Variants in USP32 observed in about 807,000 individuals in gnomAD.
The protein encoded by USP32 is ubiquitin carboxyl-terminal hydrolase 32.
USP32 carries 59 observed loss-of-function variants against 204.8 expected under a neutral mutation model. The observed-to-expected ratio is 0.29, with a 90% CI of 0.23 to 0.36. The LOEUF (loss-of-function observed/expected upper bound fraction) is 0.36. Ranked by LOEUF, USP32 falls within the 10% of genes least tolerant of loss-of-function variation. The pLI is 1.00. For missense variants in USP32, 1,160 were observed against 1,946.4 expected (o/e 0.60, Z 7.60); for synonymous variants, 517 against 678.4 (o/e 0.76, Z 3.70).
intron 30 of USP32, 92 bp downstream of exon 30, chr17:60,185,368 T>C (rs2084224298): frequency 4.2e-6 from 6 of 1,440,102 alleles, no homozygotes; most frequent in South Asian, 1.5e-5. Flanking sequence ...GGAAAGGTCT[T>C]ATTCTCAAAA....
At position 60,357,325 on chromosome 17, in the gene USP32, C is replaced by T. The variant is rs563060511; in HGVS notation, c.59-11717G>A. On this transcript the variant is annotated intron_variant, in intron 1 of 33. Coordinates refer to ENST00000300896, the MANE Select transcript of USP32 (RefSeq NM_032582.4). ...ATAATTAGGCAGGCATGGTGATACA[C>T]GCCTATGGTTCCAGCTACACGGGAA... is the stretch of plus-strand genomic sequence containing the variant. Among the ~76,000 whole-genome samples the T allele has an allele frequency of 5.3e-5, 8 of 151,954 alleles. No individual in the cohort carries two copies. The East Asian group carries it at 9.7e-4, about 18-fold the overall frequency.
chr17:60,274,242 C>A (rs368652705), intron 5 of USP32, among the ~76,000 whole-genome samples: 3 of 152,060 alleles, frequency 2.0e-5, no homozygotes, highest in East Asian at 3.9e-4. Flanking sequence ...GAAGGACAGG[C>A]AATAGAAACT....
intron 1 of USP32, among the ~76,000 whole-genome samples, chr17:60,358,750 T>A (rs1286466042): frequency 6.6e-6 from 1 of 152,150 alleles, no homozygotes; most frequent in Non-Finnish European, 1.5e-5. Flanking sequence ...AGAAACTAGA[T>A]GAGACCAGGA....
chr17:60,250,219 G>C (rs1344140055), intron 11 of USP32, among the ~76,000 whole-genome samples: 1 of 151,930 alleles, frequency 6.6e-6, no homozygotes. Context: ...CAAAATGAGA[G>C]ACACTAATTT....
At chr17:60,388,391 T>C (rs2146134345) in intron 1 of USP32, among the ~76,000 whole-genome samples, 1 of 150,824 alleles carries the variant, frequency 6.6e-6, no homozygotes, top group African/African-American at 2.5e-5. Context: ...ACAGAAGAAT[T>C]AAAAAACTGG....
At chr17:60,273,303 A>G (rs967298686) in intron 5 of USP32, among the ~76,000 whole-genome samples, 12 of 152,168 alleles carry the variant, frequency 7.9e-5, no homozygotes, top group African/African-American at 2.9e-4. Context: ...GTAAGCTAAA[A>G]AAGTCCTAGA....
At chr17:60,390,221 A>G (rs1336117922) in intron 1 of USP32, among the ~76,000 whole-genome samples, 1 of 152,238 alleles carries the variant, frequency 6.6e-6, no homozygotes. Flanking sequence ...TAGGAGATTA[A>G]GCAGGCTAGA....
In USP32 at chr17:60,181,704, T is replaced by C. The variant is rs772586065; in HGVS notation, c.4168A>G (p.Ser1390Gly). The C allele has an allele frequency of 1.2e-6, 2 of 1,610,844 alleles. No homozygotes were observed. Among genetic ancestry groups the C allele is most frequent in the Admixed American group, 1.7e-5 (1 of 59,934 alleles). Residue 1390 changes from serine (S) to glycine (G), a missense_variant, in exon 32 of 34, where the codon AGC becomes GGC. This residue lies in a region of USP32 where 244 missense variants were observed against 342.3 expected (regional missense o/e 0.71). Transcript: ENST00000300896. ...CTGCTATTAGGGCTGCTGTTTTTGC[T>C]GGAGGGACAGCTGGTTCCACTTTTT... is the stretch of plus-strand genomic sequence containing the variant. ...SRKSGTSCPS[S>G]KNSSPNSSPR...
intron 5 of USP32, among the ~76,000 whole-genome samples, chr17:60,282,180 T>G (rs2145827669): frequency 6.6e-6 from 1 of 152,314 alleles, no homozygotes; most frequent in South Asian, 2.1e-4. Flanking sequence ...AATCATTACA[T>G]GTATTTAAAG....
At chr17:60,268,515 G>A (rs1201428244) in intron 7 of USP32, among the ~76,000 whole-genome samples, 1 of 147,002 alleles carries the variant, frequency 6.8e-6, no homozygotes, top group African/African-American at 2.5e-5. Context: ...CAAGGTTACA[G>A]TGAGCTACGA....
chr17:60,202,443 TCACACACACA>T (rs377613629), intron 26 of USP32, among the ~76,000 whole-genome samples: 10 of 140,750 alleles, frequency 7.1e-5, no homozygotes, highest in Non-Finnish European at 1.1e-4. Flanking sequence ...GCTTATCAAA[TCACACACACA>T]CACACACACA....
intron 2 of USP32, among the ~76,000 whole-genome samples, chr17:60,340,852 T>C (rs939588290): frequency 1.7e-4 from 26 of 152,210 alleles, no homozygotes; most frequent in African/African-American, 6.3e-4. Context: ...GGAGCTCTTG[T>C]AAGGCAGGCC....
chr17:60,253,766 C>CTAAA (rs969441519), intron 10 of USP32, among the ~76,000 whole-genome samples: 4 of 151,722 alleles, frequency 2.6e-5, no homozygotes, highest in African/African-American at 4.8e-5. Flanking sequence ...GACTCTGTCT[C>CTAAA]TAAATAAATA....
chr17:60,252,755 C>T (rs961356504), intron 10 of USP32, among the ~76,000 whole-genome samples: 12 of 152,162 alleles, frequency 7.9e-5, no homozygotes, highest in African/African-American at 2.9e-4. Flanking sequence ...TCTTCTGACA[C>T]TTGCATATGC....
chr17:60,213,946 T>G (rs1399609537), intron 17 of USP32, among the ~76,000 whole-genome samples: 1 of 141,916 alleles, frequency 7.0e-6, no homozygotes, highest in Non-Finnish European at 1.5e-5. Context: ...TTGTTTTTTG[T>G]TTTTTTTTTT....
intron 5 of USP32, among the ~76,000 whole-genome samples, chr17:60,283,744 G>C (rs947585400): frequency 2.6e-5 from 4 of 151,672 alleles, no homozygotes; most frequent in African/African-American, 9.7e-5. Context: ...ATAAGATTTA[G>C]GTGCTAGAAA....
At chr17:60,253,630 G>T (rs771489455) in intron 10 of USP32, among the ~76,000 whole-genome samples, 1 of 152,028 alleles carries the variant, frequency 6.6e-6, no homozygotes, top group Non-Finnish European at 1.5e-5. Flanking sequence ...GCTGGGGGTG[G>T]TGGCACACGC....
chr17:60,417,979 A>G, intron 1 of USP32, among the ~76,000 whole-genome samples: 1 of 122,568 alleles, frequency 8.2e-6, no homozygotes. Flanking sequence ...TTTTTTTGAG[A>G]CGGAGTTTCA....
chr17:60,303,710 C>T (rs1269868195), intron 2 of USP32, among the ~76,000 whole-genome samples: 1 of 152,016 alleles, frequency 6.6e-6, no homozygotes, highest in African/African-American at 2.4e-5. Flanking sequence ...TATGTTTCAA[C>T]CATAAATTTT....
Sources: allele counts gnomAD v4.1 joint callset (sites outside exome capture counted in the v4.1 genomes callset), GRCh38; gene constraint gnomAD v4.1.1; regional missense constraint gnomAD v4.1.1; transcripts MANE v1.5; gene names NCBI Gene and HGNC (gene_info 2026-07-23, HGNC 2026-07-21).